Variants in AKAP13 observed in about 807,000 individuals in gnomAD.
AKAP13 encodes the protein A-kinase anchoring protein 13.
A neutral mutation model predicts 264.5 loss-of-function variants in AKAP13; 80 were observed. The ratio of observed to expected loss-of-function variants is 0.30; its 90% CI spans 0.25 to 0.36. The LOEUF is 0.36. AKAP13 is among the 10% of genes least tolerant of loss of function. The pLI is 1.00. For missense variants in AKAP13, 3,712 were observed against 3,435.2 expected, an observed-to-expected ratio of 1.08 and a Z score of -2.01; for synonymous variants, 1,380 against 1,250.2, an observed-to-expected ratio of 1.10 and a Z score of -2.19.
At chr15:85,407,070 A>G (rs1196362594) in intron 1 of AKAP13, among the ~76,000 whole-genome samples, 1 of 151,764 alleles carries the variant, frequency 6.6e-6, no homozygotes, top group Non-Finnish European at 1.5e-5. Context: ...ATATTTAAGC[A>G]GAAGGAATGT....
chr15:85,613,688 A>T (rs1396725956), intron 8 of AKAP13, among the ~76,000 whole-genome samples: 13 of 69,626 alleles, frequency 1.9e-4, no homozygotes, highest in African/African-American at 5.7e-4. Context: ...CTAAAAAAAA[A>T]AAAATATATA....
intron 1 of AKAP13, among the ~76,000 whole-genome samples, chr15:85,457,945 G>C (rs1433318996): frequency 6.6e-6 from 1 of 151,938 alleles, no homozygotes; most frequent in Non-Finnish European, 1.5e-5. Context: ...ATCGAGACCA[G>C]CCTGACCAAC....
At chr15:85,633,541 T>C (rs940395728) in intron 8 of AKAP13, among the ~76,000 whole-genome samples, 95 of 129,126 alleles carry the variant, frequency 7.4e-4, no homozygotes, top group South Asian at 1.8e-3. Flanking sequence ...TTTTCTTTTT[T>C]TTTTTTTTTT....
intron 11 of AKAP13, among the ~76,000 whole-genome samples, chr15:85,656,510 A>G (rs2083101355): frequency 6.6e-6 from 1 of 151,942 alleles, no homozygotes; most frequent in East Asian, 1.9e-4. Flanking sequence ...GCAGCGGCGC[A>G]ATCTCGGCTC....
chr15:85,446,991 G>A (rs1004793541), intron 1 of AKAP13, among the ~76,000 whole-genome samples: 3 of 152,124 alleles, frequency 2.0e-5, no homozygotes, highest in African/African-American at 7.2e-5. Flanking sequence ...AATTTAGGCC[G>A]GGTGTGGCGG....
chr15:85,542,937 T>G (rs2077619222), intron 4 of AKAP13, among the ~76,000 whole-genome samples: 1 of 152,174 alleles, frequency 6.6e-6, no homozygotes, highest in Non-Finnish European at 1.5e-5. Flanking sequence ...ATGAAGAAAG[T>G]GAAGTTCAGA....
At chr15:85,645,774 T>A in intron 9 of AKAP13, 44 bp from the exon 10 acceptor site, 1 of 1,427,948 alleles carries the variant, frequency 7.0e-7, no homozygotes, top group South Asian at 1.3e-5. Context: ...TTGGTTTTTT[T>A]GTTTTTTTTT....
chr15:85,446,704 CTTTTTCT>C (rs1202232472), intron 1 of AKAP13, among the ~76,000 whole-genome samples: 1 of 126,550 alleles, frequency 7.9e-6, no homozygotes, highest in Non-Finnish European at 1.6e-5. Flanking sequence ...CCTTCTTTTT[CTTTTTCT>C]TTTTTTTTTT....
In AKAP13 at chr15:85,735,090, C is replaced by G; in HGVS notation, c.7381C>G (p.Leu2461Val). ...GCAAGATGTGGTCGGTCCCGTTTCC[C>G]TGCCCCGGAGAGCAGAGACCTTTGG... ...IEQDVVGPVS[L>V]PRRAETFGGF... The change falls in exon 31 of 37, where the codon CTG becomes GTG. Residue 2461 changes from leucine (L) to valine (V), a missense_variant. Leu to Val is a conservative substitution (Grantham distance 32). Coordinates refer to ENST00000394518, the MANE Select transcript of AKAP13 (RefSeq NM_007200.5). 1 of 1,614,230 alleles carries G rather than the reference C, an allele frequency of 6.2e-7. No homozygotes were observed. The highest frequency in any genetic ancestry group is 8.5e-7 in the Non-Finnish European group (1 of 1,180,034).
At chr15:85,644,233 CTTTTTT>C (rs72138055) in intron 9 of AKAP13, among the ~76,000 whole-genome samples, 1 of 86,118 alleles carries the variant, frequency 1.2e-5, no homozygotes, top group Non-Finnish European at 2.6e-5. Flanking sequence ...CTTTTATCTT[CTTTTTT>C]TTTTTTTTTG....
At chr15:85,693,602 G>T in intron 17 of AKAP13, 151 bp downstream of exon 17, 1 of 1,352,172 alleles carries the variant, frequency 7.4e-7, no homozygotes, top group Non-Finnish European at 9.7e-7. Context: ...ATAAAAGAAA[G>T]AAATTCTAGA....
chr15:85,680,367 A>T (rs1299050255), intron 14 of AKAP13, among the ~76,000 whole-genome samples: 1 of 152,102 alleles, frequency 6.6e-6, no homozygotes, highest in Non-Finnish European at 1.5e-5. Flanking sequence ...TTACACCTAG[A>T]TTATGCAGAA....
chr15:85,682,304 G>T, intron 15 of AKAP13, 92 bp downstream of exon 15: 7 of 1,277,528 alleles, frequency 5.5e-6, no homozygotes, highest in Non-Finnish European at 7.7e-6. Flanking sequence ...TAAGTTAATT[G>T]AGCTTATTGG....
intron 20 of AKAP13, among the ~76,000 whole-genome samples, chr15:85,716,429 AC>A (rs140113391): frequency 0.012 from 1,851 of 152,232 alleles, 124 homozygotes; most frequent in Admixed American, 0.11. Context: ...ACTCGTTTGC[AC>A]TGAGTTTCTT....
intron 1 of AKAP13, among the ~76,000 whole-genome samples, chr15:85,457,748 T>TA (rs1216816575): frequency 7.2e-5 from 11 of 152,210 alleles, no homozygotes; most frequent in Admixed American, 2.6e-4. Flanking sequence ...TTGTAATGAC[T>TA]ATTCTGTTTG....
intron 13 of AKAP13, among the ~76,000 whole-genome samples, chr15:85,667,562 C>T (rs1025173948): frequency 6.6e-6 from 1 of 152,120 alleles, no homozygotes. Flanking sequence ...TTTATAGAAT[C>T]CTTTGGAAAT....
At chr15:85,634,780 C>G (rs1334846573) in intron 8 of AKAP13, among the ~76,000 whole-genome samples, 1 of 151,346 alleles carries the variant, frequency 6.6e-6, no homozygotes, top group Middle Eastern at 3.2e-3. Context: ...CTACTGTAGG[C>G]TTGCCTTTTC....
intron 1 of AKAP13, among the ~76,000 whole-genome samples, chr15:85,483,908 C>A (rs1042264572): frequency 6.6e-6 from 1 of 152,056 alleles, no homozygotes; most frequent in Non-Finnish European, 1.5e-5. Context: ...TTATGTGTGG[C>A]GCAACACAAT....
chr15:85,726,094 T>C, intron 26 of AKAP13: 1 of 212,502 alleles, frequency 4.7e-6, no homozygotes, highest in African/African-American at 2.3e-5. Context: ...TTTTCAGCTT[T>C]ATTCTTAAAA....
Sources: gnomAD v4.1 joint callset for allele counts (sites outside exome capture counted in the v4.1 genomes callset) on GRCh38, gnomAD v4.1.1 for gene constraint, MANE v1.5 for transcripts, NCBI Gene and HGNC (gene_info 2026-07-23, HGNC 2026-07-21) for gene names.